The following CCT6A variants were observed in gnomAD, a reference collection of about 807,000 sequenced individuals.
The protein encoded by CCT6A is T-complex protein 1 subunit zeta.
CCT6A carries 6 observed loss-of-function variants against 58.6 expected under a neutral mutation model. The ratio of observed to expected loss-of-function variants is 0.10; its 90% CI spans 0.06 to 0.20. CCT6A has a LOEUF of 0.20. Among genes scored for constraint, CCT6A ranks in the 10% least tolerant of loss-of-function variants. CCT6A has a pLI of 1.00. For missense variants in CCT6A, 516 were observed against 648.8 expected (o/e 0.80, Z 2.22); for synonymous variants, 245 against 227.8 (o/e 1.08, Z -0.68).
At chr7:56,053,304 T>C (rs1335109092) in intron 2 of CCT6A, among the ~76,000 whole-genome samples, 2 of 152,144 alleles carry the variant, frequency 1.3e-5, no homozygotes, top group African/African-American at 4.8e-5. Flanking sequence ...CAGAATAATA[T>C]GTAGGGTTTT....
chr7:56,052,367 CT>C, intron 1 of CCT6A, 54 bp from the exon 2 acceptor site: 3 of 1,519,092 alleles, frequency 2.0e-6, no homozygotes, highest in Non-Finnish European at 2.7e-6. Context: ...TCTAATGGGA[CT>C]TTTAGTTATC....
At position 56,052,246 on chromosome 7, in the gene CCT6A, A is replaced by G. The variant is rs555523105; in HGVS notation, c.138-176A>G. 9.5e-4 allele frequency among the ~76,000 whole-genome samples: 144 copies of G among 152,276 alleles called. 1 individual carries two copies. Among genetic ancestry groups the G allele is most frequent in the Non-Finnish European group, 1.6e-3 (108 of 68,002 alleles). On this transcript the variant is annotated intron_variant, in intron 1 of 13. Coordinates refer to ENST00000275603, the MANE Select transcript of CCT6A (RefSeq NM_001762.4). ...TCTGGGGCTTCCAGGCACCCTGAGG[A>G]CTCGGCACAATCTCTGCGGGGACGG...
intron 2 of CCT6A, 54 bp from the exon 3 acceptor site, chr7:56,054,315 A>G (rs1471342577): frequency 2.0e-6 from 3 of 1,478,228 alleles, no homozygotes; most frequent in Non-Finnish European, 2.8e-6. Context: ...TGTCTGTGGT[A>G]TATTTAGACT....
chr7:56,058,249 A>G (rs1354571903), intron 6 of CCT6A, 113 bp from the exon 7 acceptor site: 25 of 887,232 alleles, frequency 2.8e-5, no homozygotes, highest in East Asian at 2.6e-4. Context: ...CTGAAGATGC[A>G]TAAGGGGCAG....
At chr7:56,055,441 A>G in intron 3 of CCT6A, 183 bp from the exon 4 acceptor site, 2 of 686,212 alleles carry the variant, frequency 2.9e-6, no homozygotes, top group Non-Finnish European at 5.2e-6. Context: ...TTACCTGTTC[A>G]TCTGCTCTGC....
rs1274705457 is a variant in CCT6A, at chr7:56,058,706, T to G, written c.968+4T>G. 6.6e-7 allele frequency: 1 copy of G among 1,504,368 alleles called. No individual in the cohort carries two copies. 93.2% of individuals were successfully genotyped at this position (1,504,368 alleles called of 1,614,324 possible). A position where few individuals can be genotyped will look rare whatever the true frequency, so the allele number is the denominator to read the frequency against. ...CTAAAAGGAGAAATATGGAGAGGTA[T>G]CCGAGTAATTTGACTTTTACTCATT... On this transcript the variant is annotated splice_donor_region_variant and intron_variant, in intron 8 of 13. Transcript: ENST00000275603.
At chr7:56,053,916 G>A (rs766615662) in intron 2 of CCT6A, among the ~76,000 whole-genome samples, 11 of 152,104 alleles carry the variant, frequency 7.2e-5, no homozygotes, top group South Asian at 2.1e-4. Context: ...CAGAAGTCTC[G>A]TCCCATTGGA....
chr7:56,052,072 C>A, intron 1 of CCT6A, 87 bp downstream of exon 1: 2 of 1,136,008 alleles, frequency 1.8e-6, no homozygotes, highest in Non-Finnish European at 1.1e-6. Context: ...TGGAGCCCGC[C>A]GCCTCGGGGC....
intron 5 of CCT6A, among the ~76,000 whole-genome samples, chr7:56,056,794 GTTGGCTTTTTTTTTTT>G (rs1458071235): frequency 1.4e-5 from 2 of 143,712 alleles, no homozygotes; most frequent in Non-Finnish European, 3.1e-5. Context: ...AATATAGATA[GTTGGCTTTTTTTTTTT>G]TTGAGATGGA....
At chr7:56,056,583 C>T (rs943467553) in intron 5 of CCT6A, among the ~76,000 whole-genome samples, 169 bp downstream of exon 5, 33 of 151,722 alleles carry the variant, frequency 2.2e-4, no homozygotes, top group African/African-American at 8.0e-4. Context: ...ATTAACCAGG[C>T]GTGCCGGGCA....
At position 56,060,917 on chromosome 7, in the gene CCT6A, G is replaced by C; in HGVS notation, c.1324G>C (p.Asp442His). The change falls in exon 11 of 14, where the codon GAT becomes CAT. Residue 442 changes from aspartate (D) to histidine (H), a missense_variant. By Grantham distance (81) the Asp-to-His change is moderately conservative. Coordinates refer to ENST00000275603, the MANE Select transcript of CCT6A (RefSeq NM_001762.4). ...ACAGCTTGGAGTCCAAGCATTTGCT[G>C]ATGCATTGCTCATTATTCCCAAGGT... Reference protein sequence around the residue: ...RAQLGVQAFADALLIIPKVLA... With the variant: ...RAQLGVQAFAHALLIIPKVLA... The C allele has an allele frequency of 6.2e-7, 1 of 1,611,726 alleles. No homozygotes were observed.
At chr7:56,054,025 C>A (rs1562848611) in intron 2 of CCT6A, among the ~76,000 whole-genome samples, 1 of 145,842 alleles carries the variant, frequency 6.9e-6, no homozygotes, top group Non-Finnish European at 1.5e-5. Context: ...TAGGAGATAC[C>A]TGGCTTATTC....
Position 56,052,407 on chromosome 7 carries a change from C to A in CCT6A, c.138-15C>A, listed in dbSNP as rs781467291. 24 of 1,612,058 alleles carry A rather than the reference C, an allele frequency of 1.5e-5. No homozygotes were observed. Among genetic ancestry groups the A allele is most frequent in the Non-Finnish European group, 1.9e-5 (22 of 1,178,200 alleles). ...GAAAAAGTCATAGTCTGGTTCATTT[C>A]TGTCCTTTAAACAGGCTCGTTTCTG... is the stretch of plus-strand genomic sequence containing the variant. On this transcript the variant is annotated splice_polypyrimidine_tract_variant and intron_variant, in intron 1 of 13. Coordinates refer to ENST00000275603, the MANE Select transcript of CCT6A (RefSeq NM_001762.4).
In CCT6A at chr7:56,059,585, A is replaced by G. The variant is rs1182701939; in HGVS notation, c.1010A>G (p.Asp337Gly). 10 of 1,609,440 alleles carry G rather than the reference A, an allele frequency of 6.2e-6. No individual in the cohort carries two copies. The highest frequency in any genetic ancestry group is 8.5e-6 in the Non-Finnish European group (10 of 1,175,900). Reference sequence around the variant, plus strand: ...GGTGGGGTAGCCCTGAATTCTTTTGACGACCTAAGTCCTGACTGCTTGGGA... The same window carrying G: ...GGTGGGGTAGCCCTGAATTCTTTTGGCGACCTAAGTCCTGACTGCTTGGGA... Reference protein sequence around the residue: ...ACGGVALNSFDDLSPDCLGHA... With the variant: ...ACGGVALNSFGDLSPDCLGHA... The change falls in exon 9 of 14, where the codon GAC (aspartate) becomes GGC (glycine). Residue 337 changes from aspartate to glycine, a missense_variant. Around this residue, in one of 3 missense-constraint regions of CCT6A, gnomAD observed 315 missense variants for 389.4 expected, o/e 0.81. Coordinates refer to ENST00000275603, the MANE Select transcript of CCT6A (RefSeq NM_001762.4).
intron 3 of CCT6A, among the ~76,000 whole-genome samples, chr7:56,054,916 A>G (rs1484692495): frequency 3.9e-5 from 6 of 152,218 alleles, no homozygotes; most frequent in Admixed American, 6.5e-5. Context: ...AATTTCCTGG[A>G]GAAAGAGAAC....
At chr7:56,055,843 GAAA>G (rs764557858) in intron 4 of CCT6A, 46 bp downstream of exon 4, 29 of 1,345,004 alleles carry the variant, frequency 2.2e-5, no homozygotes, top group Non-Finnish European at 2.9e-5. Flanking sequence ...TACCTATATA[GAAA>G]ATCTCTGATA....
At chr7:56,061,238 A>G (rs1022129735) in intron 11 of CCT6A, among the ~76,000 whole-genome samples, 3 of 152,156 alleles carry the variant, frequency 2.0e-5, no homozygotes, top group Non-Finnish European at 1.5e-5. Context: ...ATTGTTTTCT[A>G]TTATATACCA....
At chr7:56,052,358 C>T in intron 1 of CCT6A, 64 bp from the exon 2 acceptor site, 1 of 1,466,428 alleles carries the variant, frequency 6.8e-7, no homozygotes, top group Non-Finnish European at 9.6e-7. Flanking sequence ...AGCCCGTTTT[C>T]TAATGGGACT....
At chr7:56,052,864 A>G (rs1478394725) in intron 2 of CCT6A, among the ~76,000 whole-genome samples, 8 of 151,148 alleles carry the variant, frequency 5.3e-5, no homozygotes, top group African/African-American at 1.7e-4. Context: ...CACAATCTCA[A>G]CTCACTGCAA....
Sources: allele counts gnomAD v4.1 joint callset (sites outside exome capture counted in the v4.1 genomes callset), GRCh38; gene constraint gnomAD v4.1.1; regional missense constraint gnomAD v4.1.1; transcripts MANE v1.5; gene names NCBI Gene and HGNC (gene_info 2026-07-23, HGNC 2026-07-21).